PRKD1: variants seen among roughly 807,000 people sequenced by gnomAD.
PRKD1 encodes the protein serine/threonine-protein kinase D1.
A neutral mutation model predicts 95.9 loss-of-function variants in PRKD1; 63 were observed. The observed-to-expected ratio is 0.66, with a 90% CI of 0.54 to 0.81. PRKD1 has a LOEUF of 0.81. Ranked by LOEUF, PRKD1 falls within the 30% of genes least tolerant of loss-of-function variation. The pLI, the probability that PRKD1 is intolerant of heterozygous loss-of-function variation, is 0.00. For synonymous variants in PRKD1, 425 were observed against 423.1 expected (o/e 1.00, Z -0.05); for missense variants, 1,048 against 1,165.3 (o/e 0.90, Z 1.47).
intron 1 of PRKD1, among the ~76,000 whole-genome samples, chr14:29,902,900 G>A (rs1006310604): frequency 3.3e-5 from 5 of 152,000 alleles, no homozygotes; most frequent in Admixed American, 6.6e-5. Context: ...TAGAATTTTC[G>A]AGAATTTGTT....
chr14:29,598,870 A>G (rs1473211663), intron 15 of PRKD1, among the ~76,000 whole-genome samples, 157 bp downstream of exon 15: 1 of 152,222 alleles, frequency 6.6e-6, no homozygotes, highest in African/African-American at 2.4e-5. Flanking sequence ...CCAGAGTAAC[A>G]AGGCCATAGT....
intron 13 of PRKD1, among the ~76,000 whole-genome samples, chr14:29,607,683 C>T (rs1878095282): frequency 6.6e-6 from 1 of 152,168 alleles, no homozygotes; most frequent in African/African-American, 2.4e-5. Context: ...TCTCTTCTGC[C>T]TCCAGCTGGA....
intron 1 of PRKD1, among the ~76,000 whole-genome samples, chr14:29,863,621 G>A (rs1892782919): frequency 6.6e-6 from 1 of 152,040 alleles, no homozygotes; most frequent in Admixed American, 6.6e-5. Flanking sequence ...TGATCACAAA[G>A]TGACATATTA....
intron 4 of PRKD1, among the ~76,000 whole-genome samples, chr14:29,647,886 TG>T (rs1204125956): frequency 6.6e-6 from 1 of 152,180 alleles, no homozygotes; most frequent in Non-Finnish European, 1.5e-5. Context: ...AAGCAGTTTA[TG>T]GTGGGAACTA....
intron 2 of PRKD1, among the ~76,000 whole-genome samples, chr14:29,679,706 G>A (rs1371390927): frequency 4.0e-5 from 6 of 148,804 alleles, no homozygotes; most frequent in Non-Finnish European, 8.9e-5. Context: ...AGCTGTAAAA[G>A]ATGAAGGAAG....
chr14:29,645,916 C>A (rs1325732786), intron 4 of PRKD1, among the ~76,000 whole-genome samples: 1 of 152,060 alleles, frequency 6.6e-6, no homozygotes, highest in African/African-American at 2.4e-5. Flanking sequence ...GTCATTAAAG[C>A]AGCATGCAAC....
chr14:29,765,662 T>A (rs1029105842), intron 1 of PRKD1, among the ~76,000 whole-genome samples: 11 of 152,140 alleles, frequency 7.2e-5, no homozygotes, highest in Admixed American at 2.0e-4. Flanking sequence ...ATTAATAGAT[T>A]TTGGTATAGG....
intron 1 of PRKD1, among the ~76,000 whole-genome samples, chr14:29,909,451 A>G (rs1361786450): frequency 6.6e-6 from 1 of 152,182 alleles, no homozygotes; most frequent in East Asian, 1.9e-4. Context: ...TGCAGGATCC[A>G]CTAGGTGAAG....
At chr14:29,647,229 G>T (rs375049341) in intron 4 of PRKD1, among the ~76,000 whole-genome samples, 2 of 152,226 alleles carry the variant, frequency 1.3e-5, no homozygotes. Context: ...AGGTGATCTG[G>T]ATTTGCTGAG....
At chr14:29,748,868 TGAGA>T (rs1357449084) in intron 1 of PRKD1, among the ~76,000 whole-genome samples, 2 of 152,120 alleles carry the variant, frequency 1.3e-5, no homozygotes, top group Admixed American at 6.6e-5. Flanking sequence ...AATGAGTAAA[TGAGA>T]GAGTGGTGAA....
chr14:29,867,322 G>C (rs531724233), intron 1 of PRKD1, among the ~76,000 whole-genome samples: 2 of 152,334 alleles, frequency 1.3e-5, no homozygotes, highest in South Asian at 4.1e-4. Flanking sequence ...TCTTCAAGGA[G>C]TGACATTTAA....
intron 1 of PRKD1, among the ~76,000 whole-genome samples, chr14:29,817,065 T>C (rs1182600045): frequency 6.6e-6 from 1 of 152,216 alleles, no homozygotes; most frequent in East Asian, 1.9e-4. Context: ...TATGTTGGCT[T>C]CAGCATTTTT....
chr14:29,719,280 T>A (rs1050048286), intron 2 of PRKD1, among the ~76,000 whole-genome samples: 1 of 152,156 alleles, frequency 6.6e-6, no homozygotes, highest in Non-Finnish European at 1.5e-5. Context: ...ATTATAACTA[T>A]AGAGAAGAAC....
intron 1 of PRKD1, among the ~76,000 whole-genome samples, chr14:29,816,492 A>G (rs927070283): frequency 6.6e-6 from 1 of 152,166 alleles, no homozygotes; most frequent in Admixed American, 6.5e-5. Context: ...AAGAGAAAAA[A>G]CGTTACCATA....
intron 1 of PRKD1, among the ~76,000 whole-genome samples, chr14:29,805,494 T>C (rs1391991739): frequency 6.6e-6 from 1 of 152,240 alleles, no homozygotes; most frequent in Non-Finnish European, 1.5e-5. Context: ...GCTGAATGAA[T>C]GGTCATACAA....
chr14:29,900,570 T>C (rs1156627798), intron 1 of PRKD1, among the ~76,000 whole-genome samples: 3 of 151,850 alleles, frequency 2.0e-5, no homozygotes, highest in Admixed American at 6.6e-5. Context: ...TGGGAGAAAA[T>C]ATTTACAAAC....
At chr14:29,843,659 T>A (rs924110636) in intron 1 of PRKD1, among the ~76,000 whole-genome samples, 4 of 152,222 alleles carry the variant, frequency 2.6e-5, no homozygotes, top group Non-Finnish European at 5.9e-5. Context: ...ATGTGCCAGG[T>A]ACTATTCTAT....
chr14:29,686,786 T>C (rs1325744992), intron 2 of PRKD1, among the ~76,000 whole-genome samples: 1 of 152,210 alleles, frequency 6.6e-6, no homozygotes. Context: ...ACTTGTAACA[T>C]GATTAAGATA....
At chr14:29,836,025 C>T (rs1169793329) in intron 1 of PRKD1, among the ~76,000 whole-genome samples, 2 of 152,080 alleles carry the variant, frequency 1.3e-5, no homozygotes, top group Non-Finnish European at 2.9e-5. Context: ...AGCTAAGTAT[C>T]ATGGGAGATC....
Sources: allele counts gnomAD v4.1 joint callset (sites outside exome capture counted in the v4.1 genomes callset), GRCh38; gene constraint gnomAD v4.1.1; transcripts MANE v1.5; gene names NCBI Gene and HGNC (gene_info 2026-07-23, HGNC 2026-07-21).